GNB4: variants seen among roughly 807,000 people sequenced by gnomAD.
GNB4 encodes G protein subunit beta 4.
A neutral mutation model predicts 45.2 loss-of-function variants in GNB4; 28 were observed. That is an observed-to-expected ratio of 0.62 (90% confidence interval 0.46 to 0.85). The LOEUF is 0.85. GNB4 is among the 40% of genes least tolerant of loss of function. The pLI is 0.00. For missense variants in GNB4, 321 were observed against 425.4 expected, an observed-to-expected ratio of 0.75 and a Z score of 2.16; for synonymous variants, 132 against 143.7, an observed-to-expected ratio of 0.92 and a Z score of 0.58.
At chr3:179,406,907 G>C (rs929091596) in intron 8 of GNB4, among the ~76,000 whole-genome samples, 1 of 151,924 alleles carries the variant, frequency 6.6e-6, no homozygotes, top group Non-Finnish European at 1.5e-5. Flanking sequence ...AAGCCACAGC[G>C]CCTGGCCCCT....
At chr3:179,450,186 C>T (rs1715832620) in intron 1 of GNB4, among the ~76,000 whole-genome samples, 1 of 152,080 alleles carries the variant, frequency 6.6e-6, no homozygotes, top group Non-Finnish European at 1.5e-5. Context: ...GTCTTTAAGC[C>T]ACATACTGAA....
At chr3:179,438,199 T>C (rs1390858329) in intron 1 of GNB4, among the ~76,000 whole-genome samples, 5 of 152,210 alleles carry the variant, frequency 3.3e-5, no homozygotes, top group Non-Finnish European at 7.4e-5. Context: ...GTGTAGTAAC[T>C]CTTTATTTAG....
At chr3:179,485,995 C>T in the GNB4 span, among the ~76,000 whole-genome samples, 3 of 151,878 alleles carry the variant, frequency 2.0e-5, no homozygotes, top group South Asian at 2.1e-4. Flanking sequence ...GAGGCCGAGG[C>T]AGGTGAATCA....
chr3:179,400,154 T>C lies in GNB4; in HGVS notation c.*1059A>G, dbSNP rs1714243581. 1 of 152,206 alleles carries C rather than the reference T, an allele frequency of 6.6e-6. No homozygotes were observed. The highest frequency in any genetic ancestry group is 6.5e-5 in the Admixed American group (1 of 15,282). 9.4% of individuals were successfully genotyped at this position (152,206 alleles called of 1,614,324 possible). A position where few individuals can be genotyped will look rare whatever the true frequency, so the allele number is the denominator to read the frequency against. ...AAAAAGCTTAAAGGTTTAAGAAATTTAAAGGCACAGATATTTCACATCAAT... is the reference window on the plus strand; with the variant it reads ...AAAAAGCTTAAAGGTTTAAGAAATTCAAAGGCACAGATATTTCACATCAAT... On this transcript the variant is annotated 3_prime_UTR_variant, in exon 10 of 10. Coordinates refer to ENST00000232564, the MANE Select transcript of GNB4 (RefSeq NM_021629.4).
chr3:179,522,464 T>C, the GNB4 span, among the ~76,000 whole-genome samples: 4 of 142,830 alleles, frequency 2.8e-5, no homozygotes, highest in African/African-American at 1.2e-4. Flanking sequence ...TGGTGGTCTC[T>C]TCGCACGGAC....
At chr3:179,429,064 C>A (rs13327561) in intron 1 of GNB4, among the ~76,000 whole-genome samples, 47,309 of 152,090 alleles carry the variant, frequency 0.31, 8,217 homozygotes, top group African/African-American at 0.46. Context: ...GCAATCTGTC[C>A]CAGACCCGGG....
rs1177796664 is a variant in GNB4, at chr3:179,447,519, G to A, written c.-43+3827C>T. Among the ~76,000 whole-genome samples the A allele has an allele frequency of 2.6e-5, 4 of 151,776 alleles. No homozygotes were observed. In the South Asian group the frequency reaches 6.2e-4, roughly 24 times the overall value. On this transcript the variant is annotated intron_variant, in intron 1 of 9. Coordinates refer to ENST00000232564, the MANE Select transcript of GNB4 (RefSeq NM_021629.4). ...ATGCACCACCACGCCTGGCTAAAACGTTTTTATTTTATCTAACAATAATGG... is the reference window on the plus strand; with the variant it reads ...ATGCACCACCACGCCTGGCTAAAACATTTTTATTTTATCTAACAATAATGG...
chr3:179,498,355 A>G, the GNB4 span, among the ~76,000 whole-genome samples: 1 of 152,234 alleles, frequency 6.6e-6, no homozygotes, highest in African/African-American at 2.4e-5. Context: ...CAACAAAGCT[A>G]TGCTCTACCC....
the GNB4 span, among the ~76,000 whole-genome samples, chr3:179,489,019 A>AAAAAAAAAAAAAAAT: frequency 4.7e-5 from 1 of 21,384 alleles, no homozygotes; most frequent in Non-Finnish European, 7.7e-5. Context: ...AAAAAAAAAA[A>AAAAAAAAAAAAAAAT]ATATATATAT....
At chr3:179,477,571 C>T in the GNB4 span, among the ~76,000 whole-genome samples, 1 of 152,176 alleles carries the variant, frequency 6.6e-6, no homozygotes, top group Non-Finnish European at 1.5e-5. Context: ...TCTCTTATCA[C>T]AACCACTTAA....
At chr3:179,438,397 T>TG (rs1715514130) in intron 1 of GNB4, among the ~76,000 whole-genome samples, 3 of 152,234 alleles carry the variant, frequency 2.0e-5, no homozygotes, top group Admixed American at 6.5e-5. Flanking sequence ...ATCTGTGCAG[T>TG]GGGGATCTCT....
the GNB4 span, among the ~76,000 whole-genome samples, chr3:179,463,134 A>G: frequency 6.6e-6 from 1 of 152,212 alleles, no homozygotes; most frequent in Admixed American, 6.5e-5. Context: ...AGTTGTATCA[A>G]TGGTCTGTAC....
At chr3:179,513,466 G>A in the GNB4 span, among the ~76,000 whole-genome samples, 2 of 152,156 alleles carry the variant, frequency 1.3e-5, no homozygotes, top group East Asian at 3.8e-4. Context: ...TTACAGGCAT[G>A]AGCCACTGCA....
intron 8 of GNB4, chr3:179,405,623 AT>A: frequency 2.0e-6 from 1 of 489,418 alleles, no homozygotes; most frequent in South Asian, 3.2e-5. Flanking sequence ...TACACAGCCC[AT>A]TGTTCAGAAC....
intron 1 of GNB4, among the ~76,000 whole-genome samples, chr3:179,432,942 C>T (rs765776176): frequency 2.6e-5 from 4 of 152,154 alleles, no homozygotes; most frequent in Admixed American, 2.6e-4. Flanking sequence ...ATTGGCAAGA[C>T]AGTCACCCAC....
Position 179,398,504 on chromosome 3 carries a change from C to CA in GNB4, c.*2708dup, listed in dbSNP as rs1164654849. 1 of 148,424 alleles carries CA rather than the reference C, an allele frequency of 6.7e-6. No individual in the cohort carries two copies. The highest frequency in any genetic ancestry group is 1.5e-5 in the Non-Finnish European group (1 of 67,628). The allele number at this position is 148,424 out of a possible 1,614,324, so 9.2% of individuals were successfully genotyped here. A position where few individuals can be genotyped will look rare whatever the true frequency, so the allele number is the denominator to read the frequency against. The stretch of plus-strand genomic sequence containing the variant: ...CCACTGTACACTCCAGCCTGGGTGA[C>CA]AGAGTGAGACTCTGTCTTTAAAAAA... On this transcript the variant is annotated 3_prime_UTR_variant, in exon 10 of 10. Transcript: ENST00000232564.
In GNB4 at chr3:179,396,222, T is replaced by C. The variant is rs1714109662; in HGVS notation, c.*4991A>G. The C allele has an allele frequency of 6.6e-6, 1 of 152,222 alleles. No individual in the cohort carries two copies. Among genetic ancestry groups the C allele is most frequent in the African/African-American group, 2.4e-5 (1 of 41,458 alleles). 9.4% of individuals were successfully genotyped at this position (152,222 alleles called of 1,614,324 possible). On this transcript the variant is annotated 3_prime_UTR_variant, in exon 10 of 10. Coordinates refer to ENST00000232564, the MANE Select transcript of GNB4 (RefSeq NM_021629.4). The stretch of plus-strand genomic sequence containing the variant: ...AATCATGATACAAGTCCATAGTTTA[T>C]ATGGTTTAGAGCTTTAAGAGCCTTA...
At chr3:179,517,463 C>T in the GNB4 span, among the ~76,000 whole-genome samples, 1 of 152,204 alleles carries the variant, frequency 6.6e-6, no homozygotes, top group Admixed American at 6.5e-5. Flanking sequence ...GTGGTCTCTT[C>T]ACATGGACAT....
At chr3:179,406,409 T>TA (rs1245270623) in intron 8 of GNB4, among the ~76,000 whole-genome samples, 3 of 152,176 alleles carry the variant, frequency 2.0e-5, no homozygotes, top group African/African-American at 7.2e-5. Context: ...CTCTGATACT[T>TA]AAAATTATTG....
Sources: gnomAD v4.1 joint callset for allele counts (sites outside exome capture counted in the v4.1 genomes callset) on GRCh38, gnomAD v4.1.1 for gene constraint, MANE v1.5 for transcripts, NCBI Gene and HGNC (gene_info 2026-07-23, HGNC 2026-07-21) for gene names.